Variants in PDE4D observed in about 807,000 individuals in gnomAD.
PDE4D encodes 3',5'-cyclic-AMP phosphodiesterase 4D.
Under a neutral mutation model 87.4 loss-of-function variants are expected in PDE4D, and 24 were observed. That is an observed-to-expected ratio of 0.27 (90% CI 0.20 to 0.39). The LOEUF is 0.39. Among genes scored for constraint, PDE4D ranks in the 10% least tolerant of loss-of-function variants. PDE4D has a pLI of 1.00. For synonymous variants in PDE4D, 384 were observed against 383.2 expected (o/e 1.00, Z -0.02); for missense variants, 714 against 1,041.0 (o/e 0.69, Z 4.32).
chr5:59,408,242 T>A (rs1458002535), intron 1 of PDE4D, among the ~76,000 whole-genome samples: 2 of 152,324 alleles, frequency 1.3e-5, no homozygotes, highest in African/African-American at 4.8e-5. Flanking sequence ...GTCCATCCAG[T>A]CCAGCCGTGG....
rs144269431 is a variant in PDE4D, at chr5:60,332,088, A to G, written c.-89-146401T>C. ...GTGTGTGGATTTAAATAACTCTTCC[A>G]GCTACTATTAAACATACTTTGTATA... On this transcript the variant is annotated intron_variant, in intron 1 of 16. Coordinates refer to the PDE4D transcript ENST00000502484. Among the ~76,000 whole-genome samples the G allele has an allele frequency of 3.2e-3, 492 of 152,340 alleles. 4 individuals carry two copies. The highest frequency in any genetic ancestry group is 0.011 in the African/African-American group (463 of 41,570).
intron 3 of PDE4D, among the ~76,000 whole-genome samples, chr5:59,187,560 T>TTA (rs1234432498): frequency 1.3e-5 from 2 of 152,194 alleles, no homozygotes; most frequent in African/African-American, 4.8e-5. Flanking sequence ...CTATATTCCC[T>TTA]TATATATATG....
chr5:59,060,730 A>T (rs1763004629), intron 5 of PDE4D, among the ~76,000 whole-genome samples: 1 of 152,046 alleles, frequency 6.6e-6, no homozygotes, highest in Non-Finnish European at 1.5e-5. Context: ...CTTCCAGCTT[A>T]CTCTGATTTG....
intron 1 of PDE4D, among the ~76,000 whole-genome samples, chr5:59,598,335 C>T (rs1267703954): frequency 6.6e-6 from 1 of 152,056 alleles, no homozygotes; most frequent in Non-Finnish European, 1.5e-5. Flanking sequence ...GATTAGCAAT[C>T]AAACAGGGAC....
chr5:59,571,685 C>T (rs1821874779), intron 1 of PDE4D, among the ~76,000 whole-genome samples: 1 of 152,172 alleles, frequency 6.6e-6, no homozygotes, highest in Non-Finnish European at 1.5e-5. Flanking sequence ...ACAGCCAACT[C>T]ACCTAGCCAG....
chr5:59,173,696 T>G (rs1008984380), intron 5 of PDE4D, among the ~76,000 whole-genome samples: 2 of 152,188 alleles, frequency 1.3e-5, no homozygotes, highest in African/African-American at 4.8e-5. Context: ...GCCACAATCT[T>G]TATTCTATTA....
intron 1 of PDE4D, among the ~76,000 whole-genome samples, chr5:59,416,561 T>C (rs1159918314): frequency 2.0e-5 from 3 of 152,190 alleles, no homozygotes; most frequent in Non-Finnish European, 2.9e-5. Context: ...AGCTAAGCAC[T>C]TGTAACTCTC....
At chr5:60,408,504 C>T (rs752514122) in intron 1 of PDE4D, among the ~76,000 whole-genome samples, 2 of 152,196 alleles carry the variant, frequency 1.3e-5, no homozygotes, top group African/African-American at 2.4e-5. Flanking sequence ...ACATATGTGA[C>T]CTTCCTTCTG....
intron 2 of PDE4D, among the ~76,000 whole-genome samples, chr5:60,078,375 T>C (rs1773550684): frequency 6.6e-6 from 1 of 152,204 alleles, no homozygotes; most frequent in African/African-American, 2.4e-5. Context: ...TATATTTTGT[T>C]TTCATTTTCA....
intron 1 of PDE4D, among the ~76,000 whole-genome samples, chr5:60,257,224 GA>G (rs1749160635): frequency 2.8e-4 from 2 of 7,152 alleles, no homozygotes; most frequent in Non-Finnish European, 5.5e-4. Context: ...GAAAGAAAGA[GA>G]AAGAAAGAAA....
chr5:59,446,634 T>A (rs1207905013), intron 1 of PDE4D, among the ~76,000 whole-genome samples: 1 of 152,208 alleles, frequency 6.6e-6, no homozygotes, highest in Non-Finnish European at 1.5e-5. Flanking sequence ...AAGGCTCTTT[T>A]GAAGGTAAGT....
chr5:59,010,958 C>T (rs750332203), intron 6 of PDE4D, among the ~76,000 whole-genome samples: 26 of 152,128 alleles, frequency 1.7e-4, no homozygotes, highest in Non-Finnish European at 3.5e-4. Flanking sequence ...GAGGAAGGAT[C>T]AGGTAGCTAC....
chr5:59,648,593 A>G (rs1309905386), intron 1 of PDE4D, among the ~76,000 whole-genome samples: 1 of 152,206 alleles, frequency 6.6e-6, no homozygotes, highest in East Asian at 1.9e-4. Flanking sequence ...GTTTGGACTA[A>G]CACTGACAGC....
chr5:60,072,317 G>A (rs889566708), intron 2 of PDE4D, among the ~76,000 whole-genome samples: 9 of 151,918 alleles, frequency 5.9e-5, no homozygotes, highest in Non-Finnish European at 1.0e-4. Context: ...TACTTTTTTT[G>A]CAAAGTGTCT....
intron 2 of PDE4D, among the ~76,000 whole-genome samples, chr5:60,151,237 G>A (rs1781474226): frequency 6.6e-6 from 1 of 152,084 alleles, no homozygotes; most frequent in Non-Finnish European, 1.5e-5. Flanking sequence ...TTTACATTTT[G>A]TTCCCAAAAT....
chr5:60,173,009 A>C (rs1195617630), intron 2 of PDE4D, among the ~76,000 whole-genome samples: 1 of 152,210 alleles, frequency 6.6e-6, no homozygotes, highest in Non-Finnish European at 1.5e-5. Context: ...CATAGAGTGC[A>C]AAAGTATCTA....
At chr5:59,683,852 T>C (rs1749431015) in intron 1 of PDE4D, among the ~76,000 whole-genome samples, 1 of 152,218 alleles carries the variant, frequency 6.6e-6, no homozygotes, top group Admixed American at 6.5e-5. Context: ...CAGAATTATA[T>C]ACATCAATAT....
intron 1 of PDE4D, among the ~76,000 whole-genome samples, chr5:59,559,173 T>C (rs1254450084): frequency 1.3e-5 from 2 of 152,212 alleles, no homozygotes; most frequent in African/African-American, 4.8e-5. Flanking sequence ...ATTCCTAACA[T>C]GGTACCTGTC....
intron 1 of PDE4D, among the ~76,000 whole-genome samples, chr5:59,241,385 A>T (rs974398424): frequency 3.9e-5 from 6 of 152,188 alleles, no homozygotes; most frequent in African/African-American, 7.2e-5. Flanking sequence ...GCAGTCATGG[A>T]TGCTCTCTAC....
Sources: allele counts gnomAD v4.1 joint callset (sites outside exome capture counted in the v4.1 genomes callset), GRCh38; gene constraint gnomAD v4.1.1; transcripts MANE v1.5; gene names NCBI Gene and HGNC (gene_info 2026-07-23, HGNC 2026-07-21).